The following SYT7 variants were observed in gnomAD, a reference collection of about 807,000 sequenced individuals.
The protein encoded by SYT7 is synaptotagmin-7.
In SYT7, 29 loss-of-function variants were observed where a neutral mutation model predicts 75.1. That is an observed-to-expected ratio of 0.39 (90% CI 0.29 to 0.53). The LOEUF is 0.53. SYT7 is among the 20% of genes least tolerant of loss of function. The pLI, the probability that SYT7 is intolerant of heterozygous loss-of-function variation, is 0.77. For missense variants in SYT7, 693 were observed against 953.2 expected (o/e 0.73, Z 3.59); for synonymous variants, 376 against 401.7 (o/e 0.94, Z 0.76).
Position 61,542,452 on chromosome 11 carries a change from G to A in SYT7, c.700C>T (p.His234Tyr). 4 of 1,532,988 alleles carry A rather than the reference G, an allele frequency of 2.6e-6. No homozygotes were observed. Among genetic ancestry groups the A allele is most frequent in the Non-Finnish European group, 3.5e-6 (4 of 1,146,132 alleles). The allele number at this position is 1,532,988 out of a possible 1,614,324, so 95.0% of individuals were successfully genotyped here. ...QQSLQQPLSQ[H>Y]QRGRQPSQPT... ...TGGCTGGGCTGCCGGCCCCGCTGGT[G>A]CTGGCTCAGCGGCTGTTGCAGGCTC... The change falls in exon 6 of 13, where the codon CAC (histidine) becomes TAC (tyrosine). Residue 234 changes from histidine (H) to tyrosine (Y), a missense_variant. Around this residue, in one of 2 missense-constraint regions of SYT7, gnomAD observed 487 missense variants for 593.2 expected, o/e 0.82. Transcript: ENST00000539008. The surrounding 1 kb of genome is among the most constrained non-coding windows in gnomAD (Gnocchi z 7.8).
rs769558459 is a variant in SYT7 at position 61,523,140 on chromosome 11, C to T, written c.1891G>A (p.Glu631Lys). The change falls in exon 12 of 13, where the codon GAG becomes AAG. Residue 631 changes from glutamate (E) to lysine (K), a missense_variant. Physicochemically the swap from Glu to Lys is moderately conservative, Grantham distance 56 (BLOSUM62 1). Coordinates refer to ENST00000539008, the MANE Select transcript of SYT7 (RefSeq NM_001365809.2). This position sits in a 1 kb window ranked among gnomAD's most constrained non-coding sequence, Gnocchi z 5.0. ...AFDIPTEKLR[E>K]TTIIITVMDK... ...ATGACAGTGATGATGATGGTCGTCT[C>T]CCTCAGCTTCTCCGTGGGGATATCG... 1 of 1,614,206 alleles carries T rather than the reference C, an allele frequency of 6.2e-7. No individual in the cohort carries two copies. Among genetic ancestry groups the T allele is most frequent in the Non-Finnish European group, 8.5e-7 (1 of 1,180,034 alleles).
intron 3 of SYT7, 50 bp from the exon 4 acceptor site, chr11:61,547,358 C>T (rs978207604): frequency 1.3e-6 from 2 of 1,530,094 alleles, no homozygotes; most frequent in South Asian, 1.2e-5. Flanking sequence ...CAAGAAGAAA[C>T]AAGAACTGCA....
intron 8 of SYT7, among the ~76,000 whole-genome samples, chr11:61,528,897 G>A (rs1431931070): frequency 6.6e-6 from 1 of 152,184 alleles, no homozygotes; most frequent in Non-Finnish European, 1.5e-5. Flanking sequence ...GGGGGCTGAG[G>A]ACTGCTGGGA....
In SYT7 at chr11:61,516,917, A is replaced by T. The variant is rs1207732819; in HGVS notation, c.*1710T>A. On this transcript the variant is annotated 3_prime_UTR_variant, in exon 13 of 13. Coordinates refer to ENST00000539008, the MANE Select transcript of SYT7 (RefSeq NM_001365809.2). The surrounding 1 kb of genome is among the most constrained non-coding windows in gnomAD (Gnocchi z 4.6). ...CAAAAGGCGACCCGTCTACTGCAGC[A>T]AGCAGAATGCTCAGCTCAAGGGGAA... 4.3e-6 allele frequency: 1 copy of T among 230,122 alleles called. No individual in the cohort carries two copies. Among genetic ancestry groups the T allele is most frequent in the Non-Finnish European group, 8.4e-6 (1 of 119,354 alleles). The allele number at this position is 230,122 out of a possible 1,614,324, so 14.3% of individuals were successfully genotyped here.
Position 61,523,611 on chromosome 11 carries a change from G to C in SYT7, c.1756+216C>G, listed in dbSNP as rs560968252. ...TGATTCTTGGAAGAACATAATCCAGGATGATGCTGACATCTTGATTCTTGA... is the reference window on the plus strand; with the variant it reads ...TGATTCTTGGAAGAACATAATCCAGCATGATGCTGACATCTTGATTCTTGA... On this transcript the variant is annotated intron_variant, in intron 11 of 12. Coordinates refer to ENST00000539008, the MANE Select transcript of SYT7 (RefSeq NM_001365809.2). The surrounding 1 kb of genome is among the most constrained non-coding windows in gnomAD (Gnocchi z 5.0). 4.1e-4 allele frequency among the ~76,000 whole-genome samples: 62 copies of C among 152,290 alleles called. No homozygotes were observed. Among genetic ancestry groups the C allele is most frequent in the Non-Finnish European group, 8.1e-4 (55 of 68,022 alleles).
At chr11:61,559,152 T>C (rs1233917292) in intron 1 of SYT7, among the ~76,000 whole-genome samples, 2 of 152,150 alleles carry the variant, frequency 1.3e-5, no homozygotes, top group African/African-American at 4.8e-5. Flanking sequence ...ATTAGTATGG[T>C]TGTTGGTGTT....
At chr11:61,550,594 C>T (rs1281751721) in intron 3 of SYT7, among the ~76,000 whole-genome samples, 2 of 152,126 alleles carry the variant, frequency 1.3e-5, no homozygotes, top group Non-Finnish European at 2.9e-5. Flanking sequence ...GACCTCTGGG[C>T]TCAGCAAAGA....
At position 61,542,374 on chromosome 11, in the gene SYT7, G is replaced by C; in HGVS notation, c.778C>G (p.Pro260Ala). The change falls in exon 6 of 13, where the codon CCA (proline) becomes GCA (alanine). Residue 260 changes from proline to alanine, a missense_variant. Physicochemically the swap from Pro to Ala is conservative, Grantham distance 27. Transcript: ENST00000539008. This position sits in a 1 kb window ranked among gnomAD's most constrained non-coding sequence, Gnocchi z 7.8. ...GQLQAHMASA[P>A]GPNPRAYGRG... ...CCATAGGCCCGGGGGTTGGGGCCTG[G>C]TGCCGAGGCCATGTGGGCCTGCAGC... The C allele has an allele frequency of 6.5e-7, 1 of 1,530,732 alleles. No individual in the cohort carries two copies. Among genetic ancestry groups the C allele is most frequent in the Non-Finnish European group, 8.7e-7 (1 of 1,144,514 alleles). The allele number at this position is 1,530,732 out of a possible 1,614,324, so 94.8% of individuals were successfully genotyped here.
chr11:61,583,255 T>A (rs757950096), upstream of SYT7, among the ~76,000 whole-genome samples: 1 of 149,476 alleles, frequency 6.7e-6, no homozygotes, highest in Non-Finnish European at 1.5e-5. Context: ...AGGGCACCCC[T>A]CACCCTCCCA....
At position 61,551,569 on chromosome 11, in the gene SYT7, T is replaced by C; in HGVS notation, c.136-106A>G. On this transcript the variant is annotated intron_variant, in intron 2 of 12. Coordinates refer to ENST00000539008, the MANE Select transcript of SYT7 (RefSeq NM_001365809.2). This position sits in a 1 kb window ranked among gnomAD's most constrained non-coding sequence, Gnocchi z 5.3. ...AAGGAGATAGACTGGAGTCGGGCCG[T>C]GGCAACAAGGCCAGGACCAGTGTGC... is the stretch of plus-strand genomic sequence containing the variant. 8.6e-7 allele frequency: 1 copy of C among 1,168,412 alleles called. No individual in the cohort carries two copies. 72.4% of individuals were successfully genotyped at this position (1,168,412 alleles called of 1,614,324 possible).
chr11:61,547,135 G>A (rs767272207), intron 4 of SYT7, 42 bp downstream of exon 4: 25 of 1,530,710 alleles, frequency 1.6e-5, no homozygotes, highest in Admixed American at 9.8e-5. Context: ...GGGCGTGCGC[G>A]GATACTCGGT....
chr11:61,564,279 C>T (rs1735131591), intron 1 of SYT7, among the ~76,000 whole-genome samples: 1 of 152,176 alleles, frequency 6.6e-6, no homozygotes, highest in Admixed American at 6.5e-5. Context: ...TGCACACTCC[C>T]CACACCCAGC....
At chr11:61,554,045 T>A (rs949753256) in intron 2 of SYT7, among the ~76,000 whole-genome samples, 3 of 151,978 alleles carry the variant, frequency 2.0e-5, no homozygotes, top group Admixed American at 6.6e-5. Context: ...AGGGACAGCC[T>A]GCGGTCTGGA....
At chr11:61,559,639 C>A (rs553450991) in intron 1 of SYT7, among the ~76,000 whole-genome samples, 3 of 152,084 alleles carry the variant, frequency 2.0e-5, no homozygotes, top group African/African-American at 7.2e-5. Context: ...CACACTCCCC[C>A]CTCCCCCATA....
At chr11:61,557,663 C>G (rs1482021337) in intron 1 of SYT7, among the ~76,000 whole-genome samples, 1 of 152,244 alleles carries the variant, frequency 6.6e-6, no homozygotes, top group Non-Finnish European at 1.5e-5. Context: ...CAGGCAAATT[C>G]AGCCTCCTCC....
chr11:61,566,136 C>A (rs1186362616), intron 1 of SYT7, among the ~76,000 whole-genome samples: 1 of 152,232 alleles, frequency 6.6e-6, no homozygotes, highest in Non-Finnish European at 1.5e-5. Flanking sequence ...CTCTTCCAGT[C>A]GAGACATGGC....
chr11:61,546,017 G>T lies in SYT7; in HGVS notation c.572+14C>A. 1 of 1,531,356 alleles carries T rather than the reference G, an allele frequency of 6.5e-7. No homozygotes were observed. The highest frequency in any genetic ancestry group is 8.7e-7 in the Non-Finnish European group (1 of 1,144,366). 94.9% of individuals were successfully genotyped at this position (1,531,356 alleles called of 1,614,324 possible). A position where few individuals can be genotyped will look rare whatever the true frequency, so the allele number is the denominator to read the frequency against. On this transcript the variant is annotated intron_variant, in intron 5 of 12. Transcript: ENST00000539008. The surrounding 1 kb of genome is among the most constrained non-coding windows in gnomAD (Gnocchi z 7.6). ...AGCTCATGGCTCCGGCAGCCATGGG[G>T]CGCCATCACTCACTTGGACAAGTTG...
At chr11:61,529,985 G>A (rs2135124378) in intron 8 of SYT7, among the ~76,000 whole-genome samples, 1 of 152,172 alleles carries the variant, frequency 6.6e-6, no homozygotes, top group Middle Eastern at 3.2e-3. Context: ...CACCTCACCA[G>A]ACCCTGCCCT....
intron 1 of SYT7, among the ~76,000 whole-genome samples, chr11:61,577,548 C>T (rs2064117990): frequency 6.6e-6 from 1 of 152,216 alleles, no homozygotes; most frequent in African/African-American, 2.4e-5. Context: ...CCTCACCCGC[C>T]ATCAGCCTCT....
Sources: allele counts gnomAD v4.1 joint callset (sites outside exome capture counted in the v4.1 genomes callset), GRCh38; gene constraint gnomAD v4.1.1; regional missense constraint gnomAD v4.1.1; non-coding constraint Gnocchi (gnomAD v3.1); transcripts MANE v1.5; gene names NCBI Gene and HGNC (gene_info 2026-07-23, HGNC 2026-07-21).